The following STARD6 variants were observed in gnomAD, a reference collection of about 807,000 sequenced individuals.
The protein encoded by STARD6 is StAR related lipid transfer domain containing 6.
In STARD6, 21 loss-of-function variants were observed where a neutral mutation model predicts 22.3. That is an observed-to-expected ratio of 0.94 (90% CI 0.67 to 1.35). STARD6 has a LOEUF of 1.35. Among genes scored for constraint, STARD6 ranks in the 40% most tolerant of loss-of-function variants. The pLI is 0.00. For synonymous variants in STARD6, 80 were observed against 88.1 expected, an observed-to-expected ratio of 0.91 and a Z score of 0.52; for missense variants, 269 against 266.9, an observed-to-expected ratio of 1.01 and a Z score of -0.05.
At chr18:54,329,887 A>T (rs1351233782) in intron 6 of STARD6, among the ~76,000 whole-genome samples, 3 of 149,482 alleles carry the variant, frequency 2.0e-5, no homozygotes, top group African/African-American at 4.9e-5. Context: ...TTTTTTTTTT[A>T]AATAAAATAT....
chr18:54,347,499 T>G (rs2089048051), intron 4 of STARD6, among the ~76,000 whole-genome samples: 1 of 152,068 alleles, frequency 6.6e-6, no homozygotes, highest in Non-Finnish European at 1.5e-5. Context: ...AACCCCAAAT[T>G]CTATTTTAAA....
chr18:54,350,103 A>G (rs2144693953), intron 4 of STARD6, among the ~76,000 whole-genome samples: 2 of 152,302 alleles, frequency 1.3e-5, no homozygotes, highest in East Asian at 3.9e-4. Flanking sequence ...TCCCACCAAC[A>G]GTGTAAAAGT....
At chr18:54,336,884 T>C (rs767034822) in intron 5 of STARD6, among the ~76,000 whole-genome samples, 3 of 152,220 alleles carry the variant, frequency 2.0e-5, no homozygotes, top group African/African-American at 7.2e-5. Flanking sequence ...TTATAACAAA[T>C]GGCACACATT....
chr18:54,354,845 A>G (rs533849586), intron 2 of STARD6, among the ~76,000 whole-genome samples: 46 of 152,252 alleles, frequency 3.0e-4, no homozygotes, highest in Non-Finnish European at 5.6e-4. Context: ...ATGTTACTTA[A>G]TATTTCTGTT....
intron 1 of STARD6, among the ~76,000 whole-genome samples, chr18:54,357,467 G>C (rs1014492704): frequency 2.0e-5 from 3 of 152,168 alleles, no homozygotes; most frequent in Non-Finnish European, 4.4e-5. Context: ...GAAGTGGTGA[G>C]GGGGGACTGC....
chr18:54,349,518 C>A (rs749248673), intron 4 of STARD6, among the ~76,000 whole-genome samples: 4 of 152,172 alleles, frequency 2.6e-5, no homozygotes, highest in Non-Finnish European at 2.9e-5. Context: ...GGACTTATTT[C>A]AATAGGTTTT....
chr18:54,337,065 T>C (rs2088921132), intron 5 of STARD6, 60 bp downstream of exon 5: 1 of 1,440,562 alleles, frequency 6.9e-7, no homozygotes, highest in East Asian at 2.3e-5. Context: ...ATCAACTCAC[T>C]AAGGTATAAA....
chr18:54,338,616 T>C (rs1355592499), intron 4 of STARD6, among the ~76,000 whole-genome samples: 1 of 151,364 alleles, frequency 6.6e-6, no homozygotes, highest in Non-Finnish European at 1.5e-5. Flanking sequence ...TACACTATTT[T>C]ACCTAAAACG....
intron 5 of STARD6, among the ~76,000 whole-genome samples, chr18:54,335,804 A>G (rs1056334777): frequency 2.0e-5 from 3 of 152,050 alleles, no homozygotes; most frequent in African/African-American, 7.2e-5. Context: ...CAGAAGAGTT[A>G]CCTGTTACCT....
intron 4 of STARD6, among the ~76,000 whole-genome samples, chr18:54,352,129 G>GT (rs556480398): frequency 0.077 from 10,029 of 130,978 alleles, 372 homozygotes; most frequent in African/African-American, 0.098. Flanking sequence ...ACTTGTTTTT[G>GT]TTTTTTTTTT....
At chr18:54,333,431 C>G (rs1172801590) in intron 5 of STARD6, among the ~76,000 whole-genome samples, 1 of 152,170 alleles carries the variant, frequency 6.6e-6, no homozygotes, top group Non-Finnish European at 1.5e-5. Flanking sequence ...CCTGGGGTGA[C>G]AGAGCGAGAC....
At chr18:54,331,068 C>T (rs1434218804) in intron 6 of STARD6, among the ~76,000 whole-genome samples, 1 of 151,846 alleles carries the variant, frequency 6.6e-6, no homozygotes, top group Non-Finnish European at 1.5e-5. Flanking sequence ...ACGTAGTTGT[C>T]CCTGGTGCCA....
chr18:54,347,299 T>C (rs1193374044), intron 4 of STARD6, among the ~76,000 whole-genome samples: 6 of 152,104 alleles, frequency 3.9e-5, no homozygotes, highest in Non-Finnish European at 7.4e-5. Context: ...TTAGCAATTA[T>C]TTTGTTATCA....
intron 4 of STARD6, among the ~76,000 whole-genome samples, chr18:54,351,504 G>T (rs917148738): frequency 3.3e-5 from 5 of 152,122 alleles, no homozygotes; most frequent in Middle Eastern, 3.2e-3. Flanking sequence ...TGGTGAAAAT[G>T]GGCATCCTTT....
intron 5 of STARD6, among the ~76,000 whole-genome samples, chr18:54,332,747 G>T (rs1019818971): frequency 2.0e-5 from 3 of 152,122 alleles, no homozygotes; most frequent in African/African-American, 7.2e-5. Context: ...AGGCAGTTAA[G>T]ACACATCCTT....
intron 4 of STARD6, among the ~76,000 whole-genome samples, chr18:54,340,612 A>G (rs1370209731): frequency 6.6e-6 from 1 of 152,226 alleles, no homozygotes; most frequent in Non-Finnish European, 1.5e-5. Context: ...TACGGCAGAC[A>G]TAAATACAAC....
intron 4 of STARD6, among the ~76,000 whole-genome samples, chr18:54,349,271 A>T (rs1245444347): frequency 6.6e-6 from 1 of 152,180 alleles, no homozygotes; most frequent in Non-Finnish European, 1.5e-5. Flanking sequence ...GGAGATAATG[A>T]AACTGACATC....
intron 4 of STARD6, among the ~76,000 whole-genome samples, chr18:54,343,371 G>A (rs1228452546): frequency 6.9e-6 from 1 of 145,152 alleles, no homozygotes; most frequent in Non-Finnish European, 1.5e-5. Flanking sequence ...GAGGGAGGTG[G>A]GGGGTCAGCC....
intron 4 of STARD6, among the ~76,000 whole-genome samples, chr18:54,347,716 T>C (rs1025038060): frequency 5.3e-5 from 8 of 152,050 alleles, no homozygotes; most frequent in African/African-American, 1.9e-4. Context: ...TGTTTTTCAT[T>C]GTTCCTCCAA....
Sources: allele counts gnomAD v4.1 joint callset (sites outside exome capture counted in the v4.1 genomes callset), GRCh38; gene constraint gnomAD v4.1.1; transcripts MANE v1.5; gene names NCBI Gene and HGNC (gene_info 2026-07-23, HGNC 2026-07-21).